Variants in CCDC60 observed in about 807,000 individuals in gnomAD.
The protein encoded by CCDC60 is coiled-coil domain-containing protein 60.
In CCDC60, 54 loss-of-function variants were observed where a neutral mutation model predicts 63.5. The ratio of observed to expected loss-of-function variants is 0.85; its 90% confidence interval spans 0.68 to 1.07. The LOEUF is 1.07. CCDC60 is among the 50% of genes least tolerant of loss of function. The pLI is 0.00. For missense variants in CCDC60, 651 were observed against 684.3 expected, an observed-to-expected ratio of 0.95 and a Z score of 0.54; for synonymous variants, 206 against 238.8, an observed-to-expected ratio of 0.86 and a Z score of 1.27.
At chr12:119,471,737 A>C (rs1365422014) in intron 2 of CCDC60, among the ~76,000 whole-genome samples, 1 of 152,122 alleles carries the variant, frequency 6.6e-6, no homozygotes, top group African/African-American at 2.4e-5. Context: ...ATTGGTCCCA[A>C]GACAATAAGA....
chr12:119,430,571 G>A (rs1029577586), intron 2 of CCDC60, among the ~76,000 whole-genome samples: 2 of 150,170 alleles, frequency 1.3e-5, no homozygotes, highest in Non-Finnish European at 2.9e-5. Flanking sequence ...GGAGGCTGAG[G>A]CAGGAGAATA....
chr12:119,436,072 C>A (rs921924663), intron 2 of CCDC60, among the ~76,000 whole-genome samples: 10 of 152,164 alleles, frequency 6.6e-5, no homozygotes, highest in Non-Finnish European at 8.8e-5. Flanking sequence ...AATGTCACTT[C>A]TGCCATATTC....
intron 2 of CCDC60, among the ~76,000 whole-genome samples, chr12:119,438,935 T>C (rs1351083467): frequency 2.6e-5 from 4 of 151,982 alleles, no homozygotes; most frequent in African/African-American, 9.7e-5. Flanking sequence ...CTTTCTTAGA[T>C]CCTACAATGC....
Position 119,530,854 on chromosome 12 carries a change from C to T in CCDC60, c.1362-20C>T. 1 of 1,605,020 alleles carries T rather than the reference C, an allele frequency of 6.2e-7. No individual in the cohort carries two copies. The highest frequency in any genetic ancestry group is 8.5e-7 in the Non-Finnish European group (1 of 1,174,932). The stretch of plus-strand genomic sequence containing the variant: ...TCTTCCAGCAGCTTCCTAACTTGTC[C>T]TCTCCTTTTGGAATTGAAGGTACTT... On this transcript the variant is annotated intron_variant, in intron 12 of 13. Transcript: ENST00000327554.
In CCDC60 at chr12:119,521,942, G is replaced by A. The variant is rs141882472; in HGVS notation, c.1041-997G>A. On this transcript the variant is annotated intron_variant, in intron 9 of 13. Transcript: ENST00000327554. Reference sequence around the variant, plus strand: ...AGTAGGATGAGGATTTGCCTACTAGGCCTAAGACCTCCAGGTCTAGTCCTG... The same window carrying A: ...AGTAGGATGAGGATTTGCCTACTAGACCTAAGACCTCCAGGTCTAGTCCTG... Among the ~76,000 whole-genome samples the A allele has an allele frequency of 8.5e-5, 13 of 152,282 alleles. No individual in the cohort carries two copies. In the East Asian group the frequency reaches 2.5e-3, roughly 29 times the overall value.
intron 2 of CCDC60, among the ~76,000 whole-genome samples, chr12:119,435,051 G>A (rs1017414212): frequency 3.3e-5 from 5 of 152,214 alleles, no homozygotes; most frequent in South Asian, 2.1e-4. Flanking sequence ...GATGGATTCA[G>A]GATTCCTTTG....
At chr12:119,471,032 C>T (rs75965544) in intron 2 of CCDC60, among the ~76,000 whole-genome samples, 55 of 152,300 alleles carry the variant, frequency 3.6e-4, no homozygotes, top group African/African-American at 1.3e-3. Flanking sequence ...ACATTTACAT[C>T]TAGGAACAAA....
chr12:119,492,567 G>C (rs2136388130), intron 5 of CCDC60, among the ~76,000 whole-genome samples: 1 of 152,290 alleles, frequency 6.6e-6, no homozygotes. Context: ...CCCTTATGCA[G>C]CAGTGTGAAT....
Position 119,428,779 on chromosome 12 carries a change from G to A in CCDC60, c.170+17G>A, listed in dbSNP as rs1487467575. The A allele has an allele frequency of 1.9e-6, 3 of 1,544,916 alleles. No individual in the cohort carries two copies. Among genetic ancestry groups the A allele is most frequent in the South Asian group, 1.2e-5 (1 of 86,534 alleles). The stretch of plus-strand genomic sequence containing the variant: ...ACGAAGCCGGTGAGTGAGCCCAGCA[G>A]GGAATGATCCATAGACAACCCAACA... On this transcript the variant is annotated intron_variant, in intron 2 of 13. Transcript: ENST00000327554.
At chr12:119,469,712 G>A (rs918479255) in intron 2 of CCDC60, among the ~76,000 whole-genome samples, 1 of 152,182 alleles carries the variant, frequency 6.6e-6, no homozygotes, top group Non-Finnish European at 1.5e-5. Context: ...CACAACAACT[G>A]CAAAGCAACT....
chr12:119,440,392 T>C (rs920808535), intron 2 of CCDC60, among the ~76,000 whole-genome samples: 3 of 151,974 alleles, frequency 2.0e-5, no homozygotes, highest in Non-Finnish European at 4.4e-5. Flanking sequence ...TAGCGGGGCA[T>C]GGTGGCGGGC....
In CCDC60 at chr12:119,540,641, C is replaced by T; in HGVS notation, c.1579C>T (p.Pro527Ser). 6.2e-7 allele frequency: 1 copy of T among 1,613,980 alleles called. No homozygotes were observed. The highest frequency in any genetic ancestry group is 8.5e-7 in the Non-Finnish European group (1 of 1,179,960). ...EFVREHIIHM[P>S]QEDYISWLQS... The stretch of plus-strand genomic sequence containing the variant: ...TGTGCGAGAACACATCATCCATATG[C>T]CTCAAGAGGATTACATCAGCTGGCT... Residue 527 changes from proline to serine, a missense_variant, in exon 14 of 14, where the codon CCT becomes TCT. Pro to Ser is a moderately conservative substitution (Grantham distance 74, BLOSUM62 -1). Coordinates refer to ENST00000327554, the MANE Select transcript of CCDC60 (RefSeq NM_178499.5).
At chr12:119,442,411 C>G (rs1047767336) in intron 2 of CCDC60, among the ~76,000 whole-genome samples, 1 of 152,088 alleles carries the variant, frequency 6.6e-6, no homozygotes, top group Non-Finnish European at 1.5e-5. Context: ...CCCAGAAGTT[C>G]GAGACCAGCC....
chr12:119,528,594 CT>C lies in CCDC60; in HGVS notation c.1230-18del. ...AGGAGGGGATCTCATTCTTCTCTCT[CT>C]TTCTCATACAACCTTGTAGGCGCCA... On this transcript the variant is annotated intron_variant, in intron 11 of 13. Transcript: ENST00000327554. 6.2e-7 allele frequency: 1 copy of C among 1,605,282 alleles called. No homozygotes were observed. The highest frequency in any genetic ancestry group is 8.5e-7 in the Non-Finnish European group (1 of 1,175,168).
chr12:119,425,803 A>G (rs1441425736), intron 1 of CCDC60, among the ~76,000 whole-genome samples: 2 of 152,158 alleles, frequency 1.3e-5, no homozygotes, highest in Admixed American at 6.5e-5. Flanking sequence ...CATTTGCCCA[A>G]ACTGGGTCAC....
At chr12:119,465,354 A>C (rs1950933925) in intron 2 of CCDC60, among the ~76,000 whole-genome samples, 1 of 152,100 alleles carries the variant, frequency 6.6e-6, no homozygotes, top group African/African-American at 2.4e-5. Flanking sequence ...GAACCCACCT[A>C]TGACCTATAA....
chr12:119,360,302 C>A (rs866012975), intron 1 of CCDC60, among the ~76,000 whole-genome samples: 4 of 149,018 alleles, frequency 2.7e-5, no homozygotes, highest in African/African-American at 7.4e-5. Context: ...CTGACCCCCC[C>A]ACCTCCCTCC....
chr12:119,512,436 A>G (rs1329818953), intron 7 of CCDC60, among the ~76,000 whole-genome samples: 6 of 152,262 alleles, frequency 3.9e-5, no homozygotes, highest in African/African-American at 1.4e-4. Context: ...AGGAACTCAC[A>G]GCCTGAGGAG....
intron 7 of CCDC60, among the ~76,000 whole-genome samples, chr12:119,516,297 G>T (rs1397092804): frequency 1.3e-5 from 2 of 152,014 alleles, no homozygotes; most frequent in African/African-American, 2.4e-5. Flanking sequence ...GTAGAGGTAG[G>T]GTTTCACCAT....
Sources: gnomAD v4.1 joint callset for allele counts (sites outside exome capture counted in the v4.1 genomes callset) on GRCh38, gnomAD v4.1.1 for gene constraint, MANE v1.5 for transcripts, NCBI Gene and HGNC (gene_info 2026-07-23, HGNC 2026-07-21) for gene names.